CCDC7: variants seen among roughly 807,000 people sequenced by gnomAD.
The protein encoded by CCDC7 is coiled-coil domain containing 7.
CCDC7 carries 183 observed loss-of-function variants against 196.9 expected under a neutral mutation model. That is an observed-to-expected ratio of 0.93 (90% confidence interval 0.82 to 1.05). CCDC7 has a LOEUF of 1.05. CCDC7 is among the 50% of genes least tolerant of loss of function. CCDC7 has a pLI of 0.00. For missense variants in CCDC7, 1,540 were observed against 1,482.2 expected, an observed-to-expected ratio of 1.04 and a Z score of -0.64; for synonymous variants, 525 against 484.6, an observed-to-expected ratio of 1.08 and a Z score of -1.10.
chr10:32,805,338 T>C (rs1177258139), intron 30 of CCDC7, among the ~76,000 whole-genome samples: 2 of 152,222 alleles, frequency 1.3e-5, no homozygotes, highest in African/African-American at 2.4e-5. Context: ...TAATATAGTA[T>C]AGTGAGCTTA....
chr10:32,663,527 C>T (rs1334207611), intron 20 of CCDC7, among the ~76,000 whole-genome samples: 1 of 152,060 alleles, frequency 6.6e-6, no homozygotes, highest in Non-Finnish European at 1.5e-5. Context: ...TTTTTTCTCA[C>T]TTAACATTAC....
At chr10:32,836,602 G>A (rs930767128) in intron 33 of CCDC7, among the ~76,000 whole-genome samples, 1 of 152,124 alleles carries the variant, frequency 6.6e-6, no homozygotes, top group Non-Finnish European at 1.5e-5. Context: ...GTATCTCATT[G>A]TGGTTTTGAT....
At chr10:32,779,140 T>A in intron 29 of CCDC7, 56 bp downstream of exon 30, 2 of 1,305,648 alleles carry the variant, frequency 1.5e-6, no homozygotes, top group Non-Finnish European at 2.1e-6. Context: ...ATTAAAATAT[T>A]TCAACTGTAT....
intron 9 of CCDC7, among the ~76,000 whole-genome samples, chr10:32,497,089 G>T (rs1247605779): frequency 6.6e-6 from 1 of 152,130 alleles, no homozygotes; most frequent in African/African-American, 2.4e-5. Flanking sequence ...GGTCTATTCA[G>T]GGATTTGACT....
chr10:32,626,902 G>C (rs1340348329), intron 18 of CCDC7, among the ~76,000 whole-genome samples: 1 of 151,864 alleles, frequency 6.6e-6, no homozygotes, highest in Admixed American at 6.6e-5. Context: ...GTGTTCCATT[G>C]GTTGGTGTGT....
chr10:32,568,894 C>CTT (rs1325025806), intron 15 of CCDC7, among the ~76,000 whole-genome samples: 1 of 152,228 alleles, frequency 6.6e-6, no homozygotes, highest in African/African-American at 2.4e-5. Flanking sequence ...AAAATCACAT[C>CTT]TGAAGATATC....
chr10:32,796,804 C>T (rs1210812340), intron 29 of CCDC7, among the ~76,000 whole-genome samples: 1 of 152,040 alleles, frequency 6.6e-6, no homozygotes, highest in Admixed American at 6.6e-5. Flanking sequence ...ATTAATTTTA[C>T]AATAATGGAT....
chr10:32,695,890 A>T (rs1489198342), intron 24 of CCDC7, among the ~76,000 whole-genome samples: 4 of 152,166 alleles, frequency 2.6e-5, no homozygotes, highest in African/African-American at 7.2e-5. Flanking sequence ...CCAAAGACAG[A>T]ACTACGGCAT....
chr10:32,675,836 T>A (rs1165791513), intron 21 of CCDC7: 1 of 152,006 alleles, frequency 6.6e-6, no homozygotes, highest in Non-Finnish European at 1.5e-5. Context: ...TTTAATGCCA[T>A]CCCCATCCAG....
intron 9 of CCDC7, among the ~76,000 whole-genome samples, chr10:32,500,570 G>C (rs1398228308): frequency 6.6e-6 from 1 of 151,656 alleles, no homozygotes; most frequent in African/African-American, 2.4e-5. Flanking sequence ...AGACTGGGCG[G>C]CCGGGCAGAG....
chr10:32,677,725 C>T (rs1054572703), intron 21 of CCDC7, among the ~76,000 whole-genome samples: 4 of 151,808 alleles, frequency 2.6e-5, no homozygotes, highest in Admixed American at 6.6e-5. Flanking sequence ...CTTTGTGTTT[C>T]GTGTATCTGG....
intron 24 of CCDC7, among the ~76,000 whole-genome samples, chr10:32,706,363 A>G (rs555899963): frequency 7.9e-5 from 12 of 152,252 alleles, no homozygotes; most frequent in African/African-American, 2.9e-4. Flanking sequence ...CACAAGAGAA[A>G]GCAGGAAAGA....
At chr10:32,673,836 G>A (rs1333458047) in intron 21 of CCDC7, among the ~76,000 whole-genome samples, 1 of 151,862 alleles carries the variant, frequency 6.6e-6, no homozygotes, top group Non-Finnish European at 1.5e-5. Context: ...TTCAGTCTTG[G>A]TAGGTTATTG....
chr10:32,513,438 C>G (rs893875274), intron 9 of CCDC7: 1 of 151,960 alleles, frequency 6.6e-6, no homozygotes, highest in Non-Finnish European at 1.5e-5. Flanking sequence ...AATACCAGGC[C>G]TGTACAAACT....
intron 11 of CCDC7, among the ~76,000 whole-genome samples, chr10:32,526,525 C>T (rs951872092): frequency 1.3e-5 from 2 of 152,142 alleles, no homozygotes; most frequent in Non-Finnish European, 2.9e-5. Context: ...TGTCCTGAGT[C>T]ACCCTTGAAG....
chr10:32,606,081 CT>C (rs1308084650), intron 18 of CCDC7, among the ~76,000 whole-genome samples: 4 of 152,162 alleles, frequency 2.6e-5, no homozygotes, highest in Non-Finnish European at 5.9e-5. Flanking sequence ...GGACACTTCT[CT>C]TTGTATCTGG....
intron 25 of CCDC7, among the ~76,000 whole-genome samples, chr10:32,724,617 A>T (rs888300085): frequency 3.3e-5 from 5 of 152,096 alleles, no homozygotes; most frequent in Non-Finnish European, 5.9e-5. Flanking sequence ...GCCATTATAT[A>T]GATGTGGCAT....
upstream of CCDC7, among the ~76,000 whole-genome samples, chr10:32,443,869 A>G (rs2030465813): frequency 6.6e-6 from 1 of 152,340 alleles, no homozygotes; most frequent in South Asian, 2.1e-4. Flanking sequence ...TTTAATGTGT[A>G]GATAAATATT....
intron 36 of CCDC7, 29 bp downstream of exon 37, chr10:32,845,988 A>G (rs775323559): frequency 5.5e-6 from 8 of 1,457,300 alleles, no homozygotes; most frequent in Middle Eastern, 1.8e-4. Flanking sequence ...CAAGTCTAAT[A>G]TTTAGGCTTA....
Sources: allele counts gnomAD v4.1 joint callset (sites outside exome capture counted in the v4.1 genomes callset), GRCh38; gene constraint gnomAD v4.1.1; transcripts MANE v1.5; gene names NCBI Gene and HGNC (gene_info 2026-07-23, HGNC 2026-07-21).